HCK: variants seen among roughly 807,000 people sequenced by gnomAD.
The protein encoded by HCK is HCK proto-oncogene, Src family tyrosine kinase.
Under a neutral mutation model 70.4 loss-of-function variants are expected in HCK, and 40 were observed. That is an observed-to-expected ratio of 0.57 (90% CI 0.44 to 0.74). The LOEUF (loss-of-function observed/expected upper bound fraction) is 0.74, where lower values mean the gene tolerates loss of function less well. Among genes scored for constraint, HCK ranks in the 30% least tolerant of loss-of-function variants. The pLI is 0.00. For synonymous variants in HCK, 245 were observed against 263.2 expected (o/e 0.93, Z 0.67); for missense variants, 568 against 697.2 (o/e 0.81, Z 2.09).
chr20:32,062,786 A>T (rs1379746359), intron 1 of HCK, among the ~76,000 whole-genome samples: 1 of 152,218 alleles, frequency 6.6e-6, no homozygotes, highest in Non-Finnish European at 1.5e-5. Context: ...AAGACAGTTC[A>T]TTCAGAAGAC....
Position 32,101,510 on chromosome 20 carries a change from G to A in HCK, c.1572G>A (p.Gln524=), listed in dbSNP as rs1223117182. The change falls in exon 13 of 13, where the codon CAG becomes CAA. Residue 524 remains glutamine (Q), a synonymous_variant. Coordinates refer to ENST00000375852, the MANE Select transcript of HCK (RefSeq NM_002110.5). The stretch of plus-strand genomic sequence containing the variant: ...CGGCCACAGAGAGCCAGTACCAACA[G>A]CAGCCATGATAGGGAGGACCAGGGC... 2 of 1,612,534 alleles carry A rather than the reference G, an allele frequency of 1.2e-6. No homozygotes were observed. The highest frequency in any genetic ancestry group is 1.7e-6 in the Non-Finnish European group (2 of 1,179,388).
At position 32,086,643 on chromosome 20, in the gene HCK, A is replaced by G; in HGVS notation, c.851A>G (p.His284Arg). ...CCCCCTCCAGCCACCTACAACAAGC[A>G]CACCAAGGTGGCAGTGAAGACGATG... The change falls in exon 9 of 13, where the codon CAC (histidine) becomes CGC (arginine). Residue 284 changes from histidine to arginine, a missense_variant. Transcript: ENST00000375852. 1 of 1,611,604 alleles carries G rather than the reference A, an allele frequency of 6.2e-7. No individual in the cohort carries two copies.
chr20:32,075,589 A>G (rs2045610265), intron 5 of HCK, among the ~76,000 whole-genome samples: 1 of 152,150 alleles, frequency 6.6e-6, no homozygotes, highest in Admixed American at 6.5e-5. Flanking sequence ...AACAAATAAG[A>G]TATATCCCTA....
At position 32,093,894 on chromosome 20, in the gene HCK, G is replaced by C; in HGVS notation, c.1124G>C (p.Arg375Thr). Residue 375 changes from arginine to threonine, a missense_variant, in exon 11 of 13, where the codon AGG becomes ACG. Arg to Thr is a moderately conservative substitution (Grantham distance 71, BLOSUM62 -1). This residue lies in a region of HCK where 160 missense variants were observed against 237.5 expected (regional missense o/e 0.67). Transcript: ENST00000375852. ...GAAGGCATGGCCTTCATCGAGCAGA[G>C]GAACTACATCCACCGAGACCTCCGA... 6.2e-7 allele frequency: 1 copy of C among 1,613,816 alleles called. No individual in the cohort carries two copies. Among genetic ancestry groups the C allele is most frequent in the Non-Finnish European group, 8.5e-7 (1 of 1,179,890 alleles).
At chr20:32,055,661 C>T (rs985012108) in intron 1 of HCK, among the ~76,000 whole-genome samples, 3 of 152,060 alleles carry the variant, frequency 2.0e-5, no homozygotes, top group Admixed American at 6.5e-5. Flanking sequence ...ATATTTTAAT[C>T]GAGGTGAAAT....
chr20:32,052,786 G>T (rs569319024), intron 1 of HCK, among the ~76,000 whole-genome samples: 2 of 129,798 alleles, frequency 1.5e-5, no homozygotes, highest in African/African-American at 3.4e-5. Flanking sequence ...CCTTCTTGGG[G>T]GGGGGCGGGG....
At chr20:32,080,746 A>G (rs2045698111) in intron 6 of HCK, among the ~76,000 whole-genome samples, 1 of 151,950 alleles carries the variant, frequency 6.6e-6, no homozygotes, top group Non-Finnish European at 1.5e-5. Flanking sequence ...TTCTGGACTC[A>G]AGCAATCTGC....
intron 1 of HCK, among the ~76,000 whole-genome samples, chr20:32,058,129 A>C (rs989535160): frequency 6.6e-6 from 1 of 152,188 alleles, no homozygotes; most frequent in Non-Finnish European, 1.5e-5. Context: ...CAGTGGGTAC[A>C]GTACAGTAGA....
intron 1 of HCK, among the ~76,000 whole-genome samples, chr20:32,061,274 G>A (rs142790668): frequency 0.011 from 1,630 of 152,302 alleles, 17 homozygotes; most frequent in Non-Finnish European, 0.014. Context: ...GAGCCACTGC[G>A]CCCAGCTGCC....
intron 9 of HCK, among the ~76,000 whole-genome samples, chr20:32,087,846 G>C (rs536550240): frequency 1.3e-5 from 2 of 152,200 alleles, no homozygotes; most frequent in East Asian, 3.9e-4. Context: ...GTTTCACCGT[G>C]TTAGCCAGGA....
At chr20:32,085,279 G>A (rs750690335) in intron 8 of HCK, among the ~76,000 whole-genome samples, 1 of 152,196 alleles carries the variant, frequency 6.6e-6, no homozygotes, top group Non-Finnish European at 1.5e-5. Flanking sequence ...TTGGGAGGCC[G>A]AGGCAAGTGG....
chr20:32,079,556 G>A (rs2045678072), intron 5 of HCK, among the ~76,000 whole-genome samples: 3 of 152,158 alleles, frequency 2.0e-5, no homozygotes, highest in Admixed American at 2.0e-4. Context: ...TCAGCAAACA[G>A]GATTCACTTC....
chr20:32,072,545 A>G (rs2122529089), intron 2 of HCK: 1 of 132,626 alleles, frequency 7.5e-6, no homozygotes, highest in South Asian at 2.5e-4. Flanking sequence ...TGGGCAATAC[A>G]GGGAGACCCT....
rs772313600 is a variant in HCK, at chr20:32,079,873, T to C, written c.528T>C (p.Thr176=). ...TCATGATCCGGGATAGCGAGACCAC[T>C]AAAGGTGACACCAGCCCTCCCCACC... Residue 176 remains threonine (T), a synonymous_variant, in exon 6 of 13, where the codon ACT becomes ACC. Coordinates refer to ENST00000375852, the MANE Select transcript of HCK (RefSeq NM_002110.5). The C allele has an allele frequency of 1.9e-6, 3 of 1,609,342 alleles. No individual in the cohort carries two copies. The highest frequency in any genetic ancestry group is 2.6e-6 in the Non-Finnish European group (3 of 1,175,860).
intron 6 of HCK, among the ~76,000 whole-genome samples, chr20:32,082,510 C>T (rs776632454): frequency 1.3e-5 from 2 of 151,842 alleles, no homozygotes; most frequent in Non-Finnish European, 2.9e-5. Context: ...GGCGTAGTGG[C>T]GGGCGTCTGT....
chr20:32,064,371 A>C (rs2045425786), intron 1 of HCK, among the ~76,000 whole-genome samples: 1 of 152,164 alleles, frequency 6.6e-6, no homozygotes, highest in Non-Finnish European at 1.5e-5. Flanking sequence ...CAGGGGTTGG[A>C]GTCAACTCTA....
chr20:32,058,456 C>T (rs1429169263), intron 1 of HCK, among the ~76,000 whole-genome samples: 4 of 149,760 alleles, frequency 2.7e-5, no homozygotes, highest in African/African-American at 4.9e-5. Context: ...TGCTGGAACC[C>T]GGGAGGCACG....
Position 32,101,836 on chromosome 20 carries a change from A to G in HCK, c.*317A>G, listed in dbSNP as rs2046040370. On this transcript the variant is annotated 3_prime_UTR_variant, in exon 13 of 13. Transcript: ENST00000375852. The stretch of plus-strand genomic sequence containing the variant: ...ATGAATATTTAAATAAAAGATATAA[A>G]TGCCAAAGTCTTTACCAAAACGTTG... The G allele has an allele frequency of 4.2e-6, 1 of 238,184 alleles. No individual in the cohort carries two copies. The highest frequency in any genetic ancestry group is 2.3e-5 in the African/African-American group (1 of 44,334). The allele number at this position is 238,184 out of a possible 1,614,324, so 14.8% of individuals were successfully genotyped here. A position where few individuals can be genotyped will look rare whatever the true frequency, so the allele number is the denominator to read the frequency against.
At chr20:32,098,546 C>T (rs1394429189) in intron 11 of HCK, among the ~76,000 whole-genome samples, 1 of 151,974 alleles carries the variant, frequency 6.6e-6, no homozygotes, top group East Asian at 1.9e-4. Context: ...GGAGGAAGGG[C>T]GGGTAAAGGG....
Sources: allele counts gnomAD v4.1 joint callset (sites outside exome capture counted in the v4.1 genomes callset), GRCh38; gene constraint gnomAD v4.1.1; regional missense constraint gnomAD v4.1.1; transcripts MANE v1.5; gene names NCBI Gene and HGNC (gene_info 2026-07-23, HGNC 2026-07-21).